The following NFIL3 variants were observed in gnomAD, a reference collection of about 807,000 sequenced individuals.
NFIL3 encodes the protein nuclear factor, interleukin 3 regulated.
NFIL3 carries 5 observed loss-of-function variants against 10.0 expected under a neutral mutation model. The observed-to-expected ratio is 0.50, with a 90% CI of 0.26 to 1.06. NFIL3 has a LOEUF of 1.06. Among genes scored for constraint, NFIL3 ranks in the 50% least tolerant of loss-of-function variants. The pLI, the probability that NFIL3 is intolerant of heterozygous loss-of-function variation, is 0.13. For synonymous variants in NFIL3, 202 were observed against 206.5 expected, an observed-to-expected ratio of 0.98 and a Z score of 0.19; for missense variants, 436 against 547.6, an observed-to-expected ratio of 0.80 and a Z score of 2.03.
the NFIL3 span, among the ~76,000 whole-genome samples, chr9:91,460,442 T>C: frequency 6.6e-6 from 1 of 151,726 alleles, no homozygotes; most frequent in Non-Finnish European, 1.5e-5. Context: ...GCCTGGCTAA[T>C]TTTTCTATTG....
At chr9:91,459,540 G>C in the NFIL3 span, among the ~76,000 whole-genome samples, 1 of 152,032 alleles carries the variant, frequency 6.6e-6, no homozygotes, top group Admixed American at 6.6e-5. Context: ...TAAAAAATTA[G>C]CTGAGCATGG....
chr9:91,432,155 G>C, the NFIL3 span, among the ~76,000 whole-genome samples: 1 of 152,162 alleles, frequency 6.6e-6, no homozygotes, highest in African/African-American at 2.4e-5. Flanking sequence ...AGGGTAGTTG[G>C]CACACTGTCA....
chr9:91,421,054 G>A (rs1218380508), intron 1 of NFIL3, among the ~76,000 whole-genome samples: 1 of 152,174 alleles, frequency 6.6e-6, no homozygotes, highest in Non-Finnish European at 1.5e-5. Flanking sequence ...CTTCAAGAAT[G>A]GAGACGCGCT....
At chr9:91,467,143 T>A in the NFIL3 span, among the ~76,000 whole-genome samples, 1 of 152,032 alleles carries the variant, frequency 6.6e-6, no homozygotes, top group Non-Finnish European at 1.5e-5. Flanking sequence ...TTAAACTAAA[T>A]ATCTCTCTCT....
upstream of NFIL3, among the ~76,000 whole-genome samples, chr9:91,425,125 C>T (rs1443584431): frequency 6.6e-6 from 1 of 152,162 alleles, no homozygotes; most frequent in Non-Finnish European, 1.5e-5. Flanking sequence ...CCAGCCAGCT[C>T]CCTCCTGGTC....
At chr9:91,420,556 C>T (rs779870353) in intron 1 of NFIL3, among the ~76,000 whole-genome samples, 1 of 152,134 alleles carries the variant, frequency 6.6e-6, no homozygotes, top group Non-Finnish European at 1.5e-5. Flanking sequence ...CTTGTGAGCC[C>T]AGGGCCTGCG....
At chr9:91,424,576 C>G (rs903416951), upstream of NFIL3, among the ~76,000 whole-genome samples, 4 of 152,178 alleles carry the variant, frequency 2.6e-5, no homozygotes, top group Admixed American at 6.5e-5. Context: ...CCGCGACGGC[C>G]CGGAGCCGGG....
rs1833521755 is a variant in NFIL3 at position 91,410,330 on chromosome 9, A to G, written c.405T>C (p.Ala135=). ...AATTACTGAGTTTCTGAATCTCTTG[A>G]GCATATGCTGTGGAGCTAATTAAAC... ...KFGLISSTAY[A]QEIQKLSNST... Residue 135 remains alanine, a synonymous_variant, in exon 2 of 2, where the codon GCT becomes GCC. Coordinates refer to ENST00000297689, the MANE Select transcript of NFIL3 (RefSeq NM_005384.3). The surrounding 1 kb of genome is among the most constrained non-coding windows in gnomAD (Gnocchi z 5.7). 6.2e-7 allele frequency: 1 copy of G among 1,614,190 alleles called. No homozygotes were observed. The highest frequency in any genetic ancestry group is 2.2e-5 in the East Asian group (1 of 44,890).
At chr9:91,435,690 C>T in the NFIL3 span, among the ~76,000 whole-genome samples, 1 of 152,218 alleles carries the variant, frequency 6.6e-6, no homozygotes, top group African/African-American at 2.4e-5. Flanking sequence ...GTCTTCATGA[C>T]TACCATTCTA....
chr9:91,442,051 A>T, the NFIL3 span, among the ~76,000 whole-genome samples: 5 of 152,164 alleles, frequency 3.3e-5, no homozygotes, highest in African/African-American at 1.2e-4. Context: ...ATACTTTTCT[A>T]GGTATTCATT....
the NFIL3 span, among the ~76,000 whole-genome samples, chr9:91,437,283 G>C: frequency 4.6e-5 from 7 of 152,300 alleles, no homozygotes; most frequent in Admixed American, 4.6e-4. Flanking sequence ...CCCATGTAAA[G>C]TGCACGATTC....
chr9:91,480,689 G>T, the NFIL3 span, among the ~76,000 whole-genome samples: 39 of 152,142 alleles, frequency 2.6e-4, no homozygotes, highest in African/African-American at 8.4e-4. Flanking sequence ...CAGGAGGTCT[G>T]ACTACACAAA....
chr9:91,471,409 C>A, the NFIL3 span, among the ~76,000 whole-genome samples: 3 of 148,906 alleles, frequency 2.0e-5, no homozygotes, highest in Non-Finnish European at 4.4e-5. Flanking sequence ...CTATGTGTGT[C>A]TCTGCACATG....
chr9:91,415,835 C>T (rs1833643815), intron 1 of NFIL3, among the ~76,000 whole-genome samples: 1 of 152,096 alleles, frequency 6.6e-6, no homozygotes, highest in African/African-American at 2.4e-5. Context: ...CCATGTTGGT[C>T]AGGCTGGTCT....
chr9:91,456,170 A>C, the NFIL3 span, among the ~76,000 whole-genome samples: 1 of 152,168 alleles, frequency 6.6e-6, no homozygotes. Flanking sequence ...CCATTGATGG[A>C]CATAGGGTTC....
intron 1 of NFIL3, among the ~76,000 whole-genome samples, chr9:91,423,126 TCCGAATGCCGTCA>T (rs1833800171): frequency 6.6e-6 from 1 of 152,098 alleles, no homozygotes; most frequent in African/African-American, 2.4e-5. Context: ...GCAGGCATTC[TCCGAATGCCGTCA>T]CCGTTCACGC....
Position 91,410,690 on chromosome 9 carries a change from A to G in NFIL3, c.45T>C (p.Ser15=), listed in dbSNP as rs144584421. The G allele has an allele frequency of 2.5e-6, 4 of 1,608,754 alleles. No individual in the cohort carries two copies. The African/African-American group carries it at 5.4e-5, about 22-fold the overall frequency. Residue 15 remains serine (S), a synonymous_variant, in exon 2 of 2, where the codon TCT becomes TCC. Coordinates refer to ENST00000297689, the MANE Select transcript of NFIL3 (RefSeq NM_005384.3). The surrounding 1 kb of genome is among the most constrained non-coding windows in gnomAD (Gnocchi z 5.7). ...TGTCCACATTGCTACTGGCATCAAG[A>G]GACGCCTGCTCCTTTTTGACGGTCT... The part of the protein sequence containing the change: ...KMQTVKKEQA[S]LDASSNVDKM...
At chr9:91,412,426 G>C (rs1833570900) in intron 1 of NFIL3, among the ~76,000 whole-genome samples, 1 of 152,154 alleles carries the variant, frequency 6.6e-6, no homozygotes, top group South Asian at 2.1e-4. Flanking sequence ...GAATTTAACT[G>C]TGTTTCTAGA....
chr9:91,445,613 T>C, the NFIL3 span, among the ~76,000 whole-genome samples: 1 of 152,056 alleles, frequency 6.6e-6, no homozygotes, highest in Non-Finnish European at 1.5e-5. Context: ...CCAGGGGCTC[T>C]AGTTCTCTGA....
Sources: gnomAD v4.1 joint callset for allele counts (sites outside exome capture counted in the v4.1 genomes callset) on GRCh38, gnomAD v4.1.1 for gene constraint, Gnocchi (gnomAD v3.1) non-coding constraint, MANE v1.5 for transcripts, NCBI Gene and HGNC (gene_info 2026-07-23, HGNC 2026-07-21) for gene names.